BCAS4: variants seen among roughly 807,000 people sequenced by gnomAD.
BCAS4 encodes the protein breast carcinoma amplified sequence 4.
BCAS4 carries 9 observed loss-of-function variants against 15.7 expected under a neutral mutation model. That is an observed-to-expected ratio of 0.57 (90% confidence interval 0.34 to 1.00). BCAS4 has a LOEUF of 1.00. BCAS4 is among the 50% of genes least tolerant of loss of function. BCAS4 has a pLI of 0.02. For synonymous variants in BCAS4, 101 were observed against 99.5 expected, an observed-to-expected ratio of 1.02 and a Z score of -0.09; for missense variants, 225 against 239.1, an observed-to-expected ratio of 0.94 and a Z score of 0.39.
At chr20:50,863,670 C>G (rs1979209730) in intron 4 of BCAS4, among the ~76,000 whole-genome samples, 1 of 152,300 alleles carries the variant, frequency 6.6e-6, no homozygotes, top group South Asian at 2.1e-4. Context: ...AAATGTATGA[C>G]TCTGATGTGA....
At chr20:50,833,869 C>T (rs987437308) in intron 3 of BCAS4, among the ~76,000 whole-genome samples, 2 of 152,122 alleles carry the variant, frequency 1.3e-5, no homozygotes, top group African/African-American at 4.8e-5. Context: ...GTGGGTCAGC[C>T]GCAAGAGCAC....
chr20:50,812,476 G>A (rs779409552), intron 1 of BCAS4, among the ~76,000 whole-genome samples: 8 of 136,994 alleles, frequency 5.8e-5, no homozygotes, highest in South Asian at 2.3e-4. Flanking sequence ...TTGCTCTCTC[G>A]CCCAGGCTGG....
intron 4 of BCAS4, 75 bp from the exon 5 acceptor site, chr20:50,876,411 G>A: frequency 6.4e-7 from 1 of 1,571,348 alleles, no homozygotes; most frequent in Non-Finnish European, 8.6e-7. Flanking sequence ...GGATGAACTT[G>A]TAGACCGGGA....
intron 1 of BCAS4, among the ~76,000 whole-genome samples, chr20:50,814,824 T>C (rs895859843): frequency 6.6e-6 from 1 of 152,022 alleles, no homozygotes; most frequent in Non-Finnish European, 1.5e-5. Flanking sequence ...GCGAAAGAGA[T>C]TGGGTGGGTG....
chr20:50,830,598 C>T (rs1054676087), intron 3 of BCAS4, among the ~76,000 whole-genome samples: 4 of 152,150 alleles, frequency 2.6e-5, no homozygotes, highest in Non-Finnish European at 5.9e-5. Flanking sequence ...GCCTGTAATC[C>T]CAGCATTTTG....
At chr20:50,821,646 C>T (rs941137236) in intron 2 of BCAS4, among the ~76,000 whole-genome samples, 1 of 152,230 alleles carries the variant, frequency 6.6e-6, no homozygotes, top group Non-Finnish European at 1.5e-5. Flanking sequence ...CCTCGGTCTT[C>T]AGAAACACTG....
chr20:50,852,612 C>A (rs1253169858), intron 4 of BCAS4, among the ~76,000 whole-genome samples: 3 of 152,158 alleles, frequency 2.0e-5, no homozygotes, highest in African/African-American at 7.2e-5. Flanking sequence ...GAACTCCTGA[C>A]CCCAAGTGAT....
intron 4 of BCAS4, among the ~76,000 whole-genome samples, chr20:50,866,423 T>A (rs968989839): frequency 6.6e-6 from 1 of 152,232 alleles, no homozygotes; most frequent in African/African-American, 2.4e-5. Flanking sequence ...AGACAGCGCA[T>A]GTCGTGGCTG....
rs1035046672 is a variant in BCAS4, at chr20:50,850,691, G to A, written c.399+8791G>A. On this transcript the variant is annotated intron_variant, in intron 4 of 4. Coordinates refer to ENST00000371608, the MANE Select transcript of BCAS4 (RefSeq NM_198799.4). ...TGCCCTTGTGGCTTCTCATGAAGAA[G>A]CAGAGGTTTGAGTGGGCCCCTGAGC... is the stretch of plus-strand genomic sequence containing the variant. Among the ~76,000 whole-genome samples the A allele has an allele frequency of 9.8e-5, 15 of 152,300 alleles. No individual in the cohort carries two copies. In the East Asian group the frequency reaches 2.7e-3, roughly 27 times the overall value.
intron 1 of BCAS4, among the ~76,000 whole-genome samples, chr20:50,796,471 A>ATT (rs2087860200): frequency 8.7e-5 from 1 of 11,510 alleles, no homozygotes; most frequent in Non-Finnish European, 1.7e-4. Context: ...ATATATATAT[A>ATT]TATATATATA....
In BCAS4 at chr20:50,853,718, G is replaced by GGGGGATGTTTTGTGTACT. The variant is rs1568678756; in HGVS notation, c.399+11822_399+11823insATGTTTTGTGTACTGGGG. On this transcript the variant is annotated intron_variant, in intron 4 of 4. Coordinates refer to ENST00000371608, the MANE Select transcript of BCAS4 (RefSeq NM_198799.4). ...GTGTACTGGGGGTGTTTTGTGTACT[G>GGGGGATGTTTTGTGTACT]GGGGGTGTTTTGTGTACTGGGGGGT... Among the ~76,000 whole-genome samples the GGGGGATGTTTTGTGTACT allele has an allele frequency of 2.0e-3, 24 of 11,732 alleles. 2 individuals carry two copies. Among genetic ancestry groups the GGGGGATGTTTTGTGTACT allele is most frequent in the Admixed American group, 0.018 (16 of 880 alleles). The allele number at this position is 11,732 out of a possible 152,430, so 7.7% of individuals were successfully genotyped here.
At chr20:50,862,960 A>G (rs183774435) in intron 4 of BCAS4, among the ~76,000 whole-genome samples, 4 of 152,252 alleles carry the variant, frequency 2.6e-5, no homozygotes, top group East Asian at 3.9e-4. Context: ...CCTCCTGAGT[A>G]GCTAGAATTA....
intron 4 of BCAS4, among the ~76,000 whole-genome samples, chr20:50,856,839 CTGAT>C (rs1392414424): frequency 1.3e-5 from 2 of 152,148 alleles, no homozygotes; most frequent in African/African-American, 2.4e-5. Context: ...GCCAGGCCCT[CTGAT>C]TGATTGATTG....
chr20:50,834,292 CTTTTTTTTTTT>C lies in BCAS4; in HGVS notation c.264+3923_264+3933del, dbSNP rs74175526. Among the ~76,000 whole-genome samples, 25 of 121,100 alleles carry C rather than the reference CTTTTTTTTTTT, an allele frequency of 2.1e-4. 1 individual carries two copies. Among genetic ancestry groups the C allele is most frequent in the Admixed American group, 1.6e-3 (19 of 12,036 alleles). The allele number at this position is 121,100 out of a possible 152,430, so 79.4% of individuals were successfully genotyped here. On this transcript the variant is annotated intron_variant, in intron 3 of 4. Transcript: ENST00000371608. ...CTGCCCAGGCTGGTCTCGAACTCTT[CTTTTTTTTTTT>C]TTTTTTTTTTGAGACTGAGTCTCAC...
intron 3 of BCAS4, chr20:50,840,730 A>G: frequency 1.2e-6 from 2 of 1,612,374 alleles, no homozygotes; most frequent in Non-Finnish European, 1.7e-6. Flanking sequence ...GATCTCAGCC[A>G]TATCGGATTT....
intron 1 of BCAS4, among the ~76,000 whole-genome samples, chr20:50,814,786 A>G (rs1337296061): frequency 2.0e-5 from 3 of 152,220 alleles, no homozygotes; most frequent in African/African-American, 7.2e-5. Flanking sequence ...ATTCAAATAC[A>G]GTGACTAGCC....
intron 4 of BCAS4, among the ~76,000 whole-genome samples, chr20:50,871,154 C>T (rs776438365): frequency 3.9e-5 from 6 of 152,224 alleles, no homozygotes; most frequent in Non-Finnish European, 8.8e-5. Flanking sequence ...GCTGCTCCAT[C>T]CTCAAGGAGC....
intron 4 of BCAS4, among the ~76,000 whole-genome samples, chr20:50,850,224 T>A (rs557948720): frequency 2.0e-5 from 3 of 152,368 alleles, no homozygotes; most frequent in African/African-American, 7.2e-5. Context: ...TTTCTGTGCC[T>A]CATCTCAATT....
At chr20:50,869,905 C>T (rs1979549610) in intron 4 of BCAS4, among the ~76,000 whole-genome samples, 1 of 152,054 alleles carries the variant, frequency 6.6e-6, no homozygotes, top group Non-Finnish European at 1.5e-5. Flanking sequence ...CCCGCCACCA[C>T]ACCCAGCTAA....
Sources: allele counts gnomAD v4.1 joint callset (sites outside exome capture counted in the v4.1 genomes callset), GRCh38; gene constraint gnomAD v4.1.1; transcripts MANE v1.5; gene names NCBI Gene and HGNC (gene_info 2026-07-23, HGNC 2026-07-21).